GRID2: variants seen among roughly 807,000 people sequenced by gnomAD.
GRID2 encodes the protein glutamate receptor ionotropic, delta-2.
A neutral mutation model predicts 114.8 loss-of-function variants in GRID2; 33 were observed. That is an observed-to-expected ratio of 0.29 (90% confidence interval 0.22 to 0.38). GRID2 has a LOEUF of 0.38. GRID2 is among the 10% of genes least tolerant of loss of function. The probability of loss-of-function intolerance (pLI) is 1.00; values close to 1 mark genes in which losing one functional copy is unlikely to be tolerated. For synonymous variants in GRID2, 505 were observed against 449.9 expected (o/e 1.12, Z -1.55); for missense variants, 1,184 against 1,257.7 (o/e 0.94, Z 0.89).
At chr4:92,791,475 G>T (rs1739589070) in intron 2 of GRID2, among the ~76,000 whole-genome samples, 1 of 151,792 alleles carries the variant, frequency 6.6e-6, no homozygotes, top group South Asian at 2.1e-4. Context: ...CTTAAGAATT[G>T]TCATCTAAAT....
At chr4:93,449,801 G>A (rs1161372640) in intron 10 of GRID2, among the ~76,000 whole-genome samples, 2 of 152,114 alleles carry the variant, frequency 1.3e-5, no homozygotes, top group African/African-American at 4.8e-5. Context: ...TGTGAATGAA[G>A]AATTAAAGGC....
At chr4:92,715,598 A>G (rs571023745) in intron 2 of GRID2, among the ~76,000 whole-genome samples, 3 of 152,212 alleles carry the variant, frequency 2.0e-5, no homozygotes, top group Non-Finnish European at 4.4e-5. Flanking sequence ...AGGCCTTACA[A>G]TCATGGTGGA....
intron 2 of GRID2, among the ~76,000 whole-genome samples, chr4:92,640,288 C>G (rs1428564741): frequency 6.6e-6 from 1 of 151,710 alleles, no homozygotes; most frequent in African/African-American, 2.4e-5. Context: ...ATATAAAAAG[C>G]TCTAAGAATT....
chr4:93,156,251 A>G (rs1737175579), intron 4 of GRID2, among the ~76,000 whole-genome samples: 1 of 151,930 alleles, frequency 6.6e-6, no homozygotes, highest in Admixed American at 6.6e-5. Flanking sequence ...AATAAAAGAA[A>G]AATAGAGAGG....
intron 2 of GRID2, among the ~76,000 whole-genome samples, chr4:92,842,888 A>G (rs1442362240): frequency 6.6e-6 from 1 of 152,088 alleles, no homozygotes; most frequent in African/African-American, 2.4e-5. Context: ...TGGTAGAGGC[A>G]GGCATTTAGG....
intron 13 of GRID2, among the ~76,000 whole-genome samples, chr4:93,581,642 C>A (rs1486877834): frequency 6.6e-6 from 1 of 152,152 alleles, no homozygotes; most frequent in African/African-American, 2.4e-5. Flanking sequence ...AATTAAGTAA[C>A]TTACCCTAAA....
At chr4:92,583,535 T>C (rs1728276994) in intron 1 of GRID2, among the ~76,000 whole-genome samples, 1 of 151,904 alleles carries the variant, frequency 6.6e-6, no homozygotes, top group Admixed American at 6.6e-5. Context: ...TGCAAGGATA[T>C]TAGCATAGAA....
intron 8 of GRID2, among the ~76,000 whole-genome samples, chr4:93,239,486 A>G (rs1418742987): frequency 1.3e-5 from 2 of 151,344 alleles, no homozygotes; most frequent in African/African-American, 4.8e-5. Flanking sequence ...AGGTATTTTT[A>G]GTGCTGAGAT....
chr4:92,835,536 G>A (rs1321751379), intron 2 of GRID2, among the ~76,000 whole-genome samples: 1 of 152,064 alleles, frequency 6.6e-6, no homozygotes, highest in Non-Finnish European at 1.5e-5. Flanking sequence ...TTTACCTACT[G>A]CCTTCTACAT....
At chr4:92,608,008 A>G (rs1251413395) in intron 2 of GRID2, among the ~76,000 whole-genome samples, 1 of 151,884 alleles carries the variant, frequency 6.6e-6, no homozygotes, top group East Asian at 1.9e-4. Context: ...AAAATTAATG[A>G]AAGGGAAAAG....
intron 13 of GRID2, among the ~76,000 whole-genome samples, chr4:93,588,436 AATGCAAACAGTCG>A (rs1737764495): frequency 6.6e-6 from 1 of 152,188 alleles, no homozygotes; most frequent in Non-Finnish European, 1.5e-5. Context: ...CCTATAAGCC[AATGCAAACAGTCG>A]ATCACCAGTG....
intron 2 of GRID2, among the ~76,000 whole-genome samples, chr4:92,683,166 G>T (rs145635758): frequency 0.17 from 25,852 of 151,854 alleles, 2,334 homozygotes; most frequent in East Asian, 0.31. Flanking sequence ...GGGCGTGGTG[G>T]CGGGCGCCTG....
intron 1 of GRID2, among the ~76,000 whole-genome samples, chr4:92,332,809 A>T: frequency 6.6e-6 from 1 of 152,158 alleles, no homozygotes; most frequent in Non-Finnish European, 1.5e-5. Flanking sequence ...CGAAAACAAA[A>T]TTCTTAAAGC....
At chr4:93,154,479 T>G (rs748457176) in intron 4 of GRID2, among the ~76,000 whole-genome samples, 3 of 152,022 alleles carry the variant, frequency 2.0e-5, no homozygotes, top group Non-Finnish European at 4.4e-5. Context: ...TGGTTAAATA[T>G]TTTGAATACC....
intron 2 of GRID2, among the ~76,000 whole-genome samples, chr4:92,723,944 T>C (rs1735934028): frequency 6.6e-6 from 1 of 152,178 alleles, no homozygotes; most frequent in South Asian, 2.1e-4. Flanking sequence ...ATTTTTTTCG[T>C]ATTAAATGTT....
intron 2 of GRID2, among the ~76,000 whole-genome samples, chr4:92,849,225 A>T (rs533713229): frequency 2.0e-5 from 3 of 151,964 alleles, no homozygotes; most frequent in Non-Finnish European, 4.4e-5. Flanking sequence ...GCTTGAAAGC[A>T]TCTTGAGTAC....
At chr4:92,547,273 A>G (rs547980054) in intron 1 of GRID2, among the ~76,000 whole-genome samples, 1 of 152,214 alleles carries the variant, frequency 6.6e-6, no homozygotes, top group East Asian at 1.9e-4. Flanking sequence ...TCAGAATAAT[A>G]GAATTAGCTT....
chr4:93,373,066 A>G (rs1763076142), intron 8 of GRID2, among the ~76,000 whole-genome samples: 1 of 152,062 alleles, frequency 6.6e-6, no homozygotes, highest in Non-Finnish European at 1.5e-5. Flanking sequence ...TCTTCAACCC[A>G]TCTCCTAAGC....
At chr4:93,267,320 G>A (rs1444736829) in intron 8 of GRID2, among the ~76,000 whole-genome samples, 1 of 152,122 alleles carries the variant, frequency 6.6e-6, no homozygotes, top group Non-Finnish European at 1.5e-5. Context: ...GGGAAAGCCT[G>A]CACTCAAGTC....
Sources: allele counts gnomAD v4.1 joint callset (sites outside exome capture counted in the v4.1 genomes callset), GRCh38; gene constraint gnomAD v4.1.1; transcripts MANE v1.5; gene names NCBI Gene and HGNC (gene_info 2026-07-23, HGNC 2026-07-21).